The following CFAP54 variants were observed in gnomAD, a reference collection of about 807,000 sequenced individuals.
CFAP54 encodes the protein cilia and flagella associated protein 54.
Under a neutral mutation model 370.4 loss-of-function variants are expected in CFAP54, and 290 were observed. That is an observed-to-expected ratio of 0.78 (90% CI 0.71 to 0.86). The LOEUF (loss-of-function observed/expected upper bound fraction) is 0.86. Ranked by LOEUF, CFAP54 falls within the 40% of genes least tolerant of loss-of-function variation. The pLI is 0.00. For missense variants in CFAP54, 3,399 were observed against 3,528.7 expected (o/e 0.96, Z 0.93); for synonymous variants, 1,206 against 1,236.5 (o/e 0.98, Z 0.52).
intron 65 of CFAP54, among the ~76,000 whole-genome samples, chr12:96,825,047 C>CAGG (rs1959070892): frequency 6.6e-6 from 1 of 150,774 alleles, no homozygotes; most frequent in African/African-American, 2.4e-5. Flanking sequence ...CCCCACCCTA[C>CAGG]GCGCCCCACA....
At chr12:96,504,067 G>A (rs1338125950) in intron 3 of CFAP54, 38 bp downstream of exon 3, 16 of 1,469,786 alleles carry the variant, frequency 1.1e-5, no homozygotes, top group Non-Finnish European at 1.4e-5. Context: ...TACAATTTAT[G>A]ATTAGCTATA....
intron 19 of CFAP54, among the ~76,000 whole-genome samples, chr12:96,571,407 T>G (rs1385488896): frequency 2.0e-5 from 3 of 152,188 alleles, no homozygotes; most frequent in African/African-American, 7.2e-5. Context: ...CAAGTCCCTT[T>G]CCATCGAGAT....
intron 66 of CFAP54, among the ~76,000 whole-genome samples, chr12:96,829,368 A>G (rs1959162666): frequency 6.6e-6 from 1 of 152,152 alleles, no homozygotes; most frequent in African/African-American, 2.4e-5. Flanking sequence ...TATTTAGAGT[A>G]TATCTAGAAT....
chr12:96,870,445 G>A (rs1960127471), intron 67 of CFAP54, among the ~76,000 whole-genome samples: 1 of 152,122 alleles, frequency 6.6e-6, no homozygotes, highest in African/African-American at 2.4e-5. Context: ...GATAGTCCTG[G>A]CTTTCCTTTT....
intron 39 of CFAP54, among the ~76,000 whole-genome samples, chr12:96,672,494 G>T (rs986688046): frequency 1.3e-5 from 2 of 152,194 alleles, no homozygotes; most frequent in Non-Finnish European, 2.9e-5. Flanking sequence ...AGTCATAGGA[G>T]AAAGGAAGGG....
chr12:96,542,894 C>T (rs1955592503), intron 14 of CFAP54, among the ~76,000 whole-genome samples: 1 of 152,170 alleles, frequency 6.6e-6, no homozygotes, highest in Non-Finnish European at 1.5e-5. Flanking sequence ...CTCCTTCATA[C>T]TCCCCTTTCA....
intron 56 of CFAP54, among the ~76,000 whole-genome samples, chr12:96,755,559 A>G (rs1958244713): frequency 6.6e-6 from 1 of 152,148 alleles, no homozygotes; most frequent in East Asian, 1.9e-4. Context: ...TTTCACTGAG[A>G]ATAATGTCCT....
At chr12:96,539,504 G>A (rs977822055) in intron 13 of CFAP54, among the ~76,000 whole-genome samples, 3 of 151,756 alleles carry the variant, frequency 2.0e-5, no homozygotes, top group Non-Finnish European at 4.4e-5. Flanking sequence ...TGAAAACCCC[G>A]TCTCTACTAA....
At chr12:96,855,543 G>A (rs1231260477) in intron 66 of CFAP54, among the ~76,000 whole-genome samples, 1 of 152,126 alleles carries the variant, frequency 6.6e-6, no homozygotes, top group Non-Finnish European at 1.5e-5. Context: ...AAAATAAAGG[G>A]GCTACAGGCC....
At chr12:96,821,973 G>A (rs769101760) in intron 65 of CFAP54, among the ~76,000 whole-genome samples, 1 of 152,130 alleles carries the variant, frequency 6.6e-6, no homozygotes, top group Non-Finnish European at 1.5e-5. Flanking sequence ...GGGGAAGGTA[G>A]TGAATCTTGT....
rs1956648025 is a variant in CFAP54 at position 96,634,943 on chromosome 12, G to C, written c.4316+4292G>C. 2.0e-5 allele frequency among the ~76,000 whole-genome samples: 3 copies of C among 152,096 alleles called. No homozygotes were observed. In the South Asian group the frequency reaches 6.2e-4, roughly 32 times the overall value. ...TGTATTCTGTTCCATTGATCTATGT[G>C]CCTCCCTCTGCCAATACCACATTCC... On this transcript the variant is annotated intron_variant, in intron 32 of 67. Coordinates refer to ENST00000524981, the MANE Select transcript of CFAP54 (RefSeq NM_001306084.2).
At chr12:96,823,126 G>C (rs1959051489) in intron 65 of CFAP54, among the ~76,000 whole-genome samples, 1 of 140,554 alleles carries the variant, frequency 7.1e-6, no homozygotes, top group Admixed American at 7.1e-5. Flanking sequence ...GTTTGTCTGT[G>C]TGTGTGTGTG....
intron 21 of CFAP54, 38 bp from the exon 22 acceptor site, chr12:96,580,881 AT>A: frequency 7.5e-7 from 1 of 1,337,768 alleles, no homozygotes; most frequent in Non-Finnish European, 9.8e-7. Context: ...TGTTATTTTA[AT>A]TTTTCATGTA....
rs151096304 is a variant in CFAP54, at chr12:96,716,321, G to A, written c.6725-2122G>A. Among the ~76,000 whole-genome samples the A allele has an allele frequency of 1.1e-4, 17 of 152,250 alleles. No individual in the cohort carries two copies. In the East Asian group the frequency reaches 3.1e-3, roughly 28 times the overall value. On this transcript the variant is annotated intron_variant, in intron 48 of 67. Transcript: ENST00000524981. Reference sequence around the variant, plus strand: ...GGAGATGTTTCTCTTAATTCTTTTAGATCAGGGATTTTGCTGGAAGCACAT... The same window carrying A: ...GGAGATGTTTCTCTTAATTCTTTTAAATCAGGGATTTTGCTGGAAGCACAT...
Position 96,665,327 on chromosome 12 carries a change from G to T in CFAP54, c.5563+1395G>T, listed in dbSNP as rs911925125. ...GTGCAAAAGCTGTTTAGTTTAATTA[G>T]ATCCCATTTGTCAATTTTTGCTTTT... On this transcript the variant is annotated intron_variant, in intron 39 of 67. Coordinates refer to ENST00000524981, the MANE Select transcript of CFAP54 (RefSeq NM_001306084.2). 2.6e-5 allele frequency among the ~76,000 whole-genome samples: 4 copies of T among 152,194 alleles called. No homozygotes were observed. The East Asian group carries it at 7.7e-4, about 29-fold the overall frequency.
intron 50 of CFAP54, among the ~76,000 whole-genome samples, chr12:96,724,555 A>T (rs1466947548): frequency 6.6e-6 from 1 of 151,822 alleles, no homozygotes; most frequent in Non-Finnish European, 1.5e-5. Flanking sequence ...GTTTGAGTTC[A>T]TTGTAGATTC....
chr12:96,522,539 G>A (rs1362543896), intron 8 of CFAP54, among the ~76,000 whole-genome samples: 3 of 152,156 alleles, frequency 2.0e-5, no homozygotes, highest in Non-Finnish European at 4.4e-5. Flanking sequence ...CTGAGCAGGC[G>A]AGCAGGCTTT....
intron 19 of CFAP54, among the ~76,000 whole-genome samples, chr12:96,568,343 C>T (rs1161419740): frequency 6.6e-6 from 1 of 151,886 alleles, no homozygotes; most frequent in South Asian, 2.1e-4. Flanking sequence ...TCTTGAGATG[C>T]ATTAAGAGGC....
intron 36 of CFAP54, among the ~76,000 whole-genome samples, chr12:96,654,558 G>A (rs1168492703): frequency 6.6e-6 from 1 of 151,736 alleles, no homozygotes; most frequent in Non-Finnish European, 1.5e-5. Flanking sequence ...GCATACAATG[G>A]GTTGTGATCA....
Sources: allele counts gnomAD v4.1 joint callset (sites outside exome capture counted in the v4.1 genomes callset), GRCh38; gene constraint gnomAD v4.1.1; transcripts MANE v1.5; gene names NCBI Gene and HGNC (gene_info 2026-07-23, HGNC 2026-07-21).